RAB11FIP4: variants seen among roughly 807,000 people sequenced by gnomAD.
The protein encoded by RAB11FIP4 is RAB11 family interacting protein 4.
Under a neutral mutation model 74.3 loss-of-function variants are expected in RAB11FIP4, and 23 were observed. That is an observed-to-expected ratio of 0.31 (90% CI 0.22 to 0.44). The LOEUF is 0.44. RAB11FIP4 is among the 20% of genes least tolerant of loss of function. The probability of loss-of-function intolerance (pLI) is 1.00; values close to 1 mark genes in which losing one functional copy is unlikely to be tolerated. For synonymous variants in RAB11FIP4, 360 were observed against 359.9 expected, an observed-to-expected ratio of 1.00 and a Z score of 0.00; for missense variants, 630 against 863.9, an observed-to-expected ratio of 0.73 and a Z score of 3.39.
chr17:31,528,442 A>G lies in RAB11FIP4; in HGVS notation c.1393A>G (p.Ser465Gly). The change falls in exon 12 of 15, where the codon AGC becomes GGC. Residue 465 changes from serine (S) to glycine (G), a missense_variant. Coordinates refer to ENST00000621161, the MANE Select transcript of RAB11FIP4 (RefSeq NM_032932.6). ...QRMSDRLEDT[S>G]LRLKDEMDLY... ...CATGTCTGACCGTCTGGAGGACACCAGCCTGCGGCTCAAAGATGAGATGGA... is the reference window on the plus strand; with the variant it reads ...CATGTCTGACCGTCTGGAGGACACCGGCCTGCGGCTCAAAGATGAGATGGA... The G allele has an allele frequency of 6.2e-7, 1 of 1,613,350 alleles. No individual in the cohort carries two copies. The highest frequency in any genetic ancestry group is 8.5e-7 in the Non-Finnish European group (1 of 1,180,042).
In RAB11FIP4 at chr17:31,531,814, C is replaced by T. The variant is rs112375733; in HGVS notation, c.*82C>T. On this transcript the variant is annotated 3_prime_UTR_variant, in exon 15 of 15. Coordinates refer to ENST00000621161, the MANE Select transcript of RAB11FIP4 (RefSeq NM_032932.6). ...CCCAAGGATGCAGGCCTAAGCCGGG[C>T]CTCACACTCACACTGTAAATGTCTC... 1.3e-3 allele frequency: 1,083 copies of T among 865,250 alleles called. No individual in the cohort carries two copies. The highest frequency in any genetic ancestry group is 3.2e-3 in the Admixed American group (168 of 52,078). 53.6% of individuals were successfully genotyped at this position (865,250 alleles called of 1,614,324 possible).
intron 3 of RAB11FIP4, among the ~76,000 whole-genome samples, chr17:31,515,614 G>T (rs1401692855): frequency 1.3e-5 from 2 of 152,044 alleles, no homozygotes; most frequent in African/African-American, 2.4e-5. Flanking sequence ...ACTCCAGGAG[G>T]CTTTTCACAG....
chr17:31,405,561 C>T (rs1399544939), intron 1 of RAB11FIP4, among the ~76,000 whole-genome samples: 4 of 152,050 alleles, frequency 2.6e-5, no homozygotes, highest in South Asian at 2.1e-4. Context: ...TTAGTAGAGA[C>T]GGGGTTTCAC....
chr17:31,504,908 G>C (rs914111454), intron 3 of RAB11FIP4, among the ~76,000 whole-genome samples: 20 of 152,206 alleles, frequency 1.3e-4, no homozygotes, highest in African/African-American at 4.3e-4. Context: ...CCGAGAACTT[G>C]TTAGAAATGC....
intron 3 of RAB11FIP4, chr17:31,448,638 A>T (rs1173845706): frequency 2.6e-5 from 4 of 152,052 alleles, no homozygotes; most frequent in Non-Finnish European, 5.9e-5. Context: ...TGAGGCCTGG[A>T]ATGAGCTCCA....
chr17:31,466,316 G>T (rs1173405182), intron 3 of RAB11FIP4, among the ~76,000 whole-genome samples: 4 of 152,120 alleles, frequency 2.6e-5, no homozygotes, highest in Non-Finnish European at 5.9e-5. Context: ...TCCTGAATCC[G>T]CCACTTCTAG....
intron 3 of RAB11FIP4, among the ~76,000 whole-genome samples, chr17:31,439,522 C>T (rs575919588): frequency 5.1e-4 from 77 of 152,348 alleles, no homozygotes; most frequent in Admixed American, 1.5e-3. Context: ...TCTGCTTTTA[C>T]GAATTAGCTA....
At chr17:31,405,051 T>G (rs2071029828) in intron 1 of RAB11FIP4, among the ~76,000 whole-genome samples, 1 of 152,046 alleles carries the variant, frequency 6.6e-6, no homozygotes, top group East Asian at 1.9e-4. Context: ...TGAAGAGGTT[T>G]AAGCAGAGGG....
chr17:31,393,087 C>A, intron 1 of RAB11FIP4, among the ~76,000 whole-genome samples: 1 of 152,230 alleles, frequency 6.6e-6, no homozygotes, highest in East Asian at 1.9e-4. Flanking sequence ...GATTGAGAAT[C>A]ATCTCTCCAC....
At chr17:31,507,280 A>G (rs1023684838) in intron 3 of RAB11FIP4, among the ~76,000 whole-genome samples, 1 of 152,196 alleles carries the variant, frequency 6.6e-6, no homozygotes, top group African/African-American at 2.4e-5. Flanking sequence ...CTCCATCTCA[A>G]AAAAAGAAAA....
At chr17:31,467,692 C>T (rs1567665774) in intron 3 of RAB11FIP4, among the ~76,000 whole-genome samples, 1 of 152,156 alleles carries the variant, frequency 6.6e-6, no homozygotes, top group Non-Finnish European at 1.5e-5. Flanking sequence ...TGAGGCCATT[C>T]AAGCCTGTGG....
At chr17:31,458,950 C>G (rs1203966930) in intron 3 of RAB11FIP4, among the ~76,000 whole-genome samples, 3 of 152,200 alleles carry the variant, frequency 2.0e-5, no homozygotes, top group Admixed American at 6.5e-5. Flanking sequence ...TCTGGTCCCT[C>G]TATTAGCCAG....
rs543433257 is a variant in RAB11FIP4 at position 31,433,383 on chromosome 17, A to G, written c.248-651A>G. 3.3e-5 allele frequency among the ~76,000 whole-genome samples: 5 copies of G among 152,314 alleles called. No individual in the cohort carries two copies. The South Asian group carries it at 8.3e-4, about 25-fold the overall frequency. ...GCAGGGTGAGGGATGAAGGGAACCA[A>G]ATACACGGTGCAGGGGGCACAGAAC... On this transcript the variant is annotated intron_variant, in intron 2 of 14. Transcript: ENST00000621161.
At chr17:31,519,907 G>C (rs1206810887) in intron 4 of RAB11FIP4, among the ~76,000 whole-genome samples, 2 of 151,970 alleles carry the variant, frequency 1.3e-5, no homozygotes, top group East Asian at 3.9e-4. Context: ...GAGGCCAGGA[G>C]TTTGAGACCA....
At chr17:31,443,784 G>A (rs967408114) in intron 3 of RAB11FIP4, among the ~76,000 whole-genome samples, 2 of 152,298 alleles carry the variant, frequency 1.3e-5, no homozygotes, top group South Asian at 2.1e-4. Context: ...GCATGATGGG[G>A]CATGCCTGTA....
At chr17:31,450,492 G>T (rs113901716) in intron 3 of RAB11FIP4, among the ~76,000 whole-genome samples, 3,554 of 151,916 alleles carry the variant, frequency 0.023, 134 homozygotes, top group African/African-American at 0.08. Flanking sequence ...TTATAGGACG[G>T]CGCCATCACA....
intron 1 of RAB11FIP4, among the ~76,000 whole-genome samples, chr17:31,416,323 G>T (rs934114570): frequency 2.6e-5 from 4 of 152,218 alleles, no homozygotes; most frequent in Non-Finnish European, 5.9e-5. Flanking sequence ...CCCTTCACAT[G>T]GAGGGGAGCG....
At chr17:31,459,346 T>C (rs1473947498) in intron 3 of RAB11FIP4, among the ~76,000 whole-genome samples, 1 of 152,136 alleles carries the variant, frequency 6.6e-6, no homozygotes, top group Non-Finnish European at 1.5e-5. Flanking sequence ...TATCACTTAT[T>C]CTCATTTATA....
intron 3 of RAB11FIP4, among the ~76,000 whole-genome samples, chr17:31,487,513 G>A (rs1287214031): frequency 1.3e-5 from 2 of 151,792 alleles, no homozygotes; most frequent in Non-Finnish European, 2.9e-5. Context: ...TTGTGTTCCT[G>A]GGCTGGTTAT....
Sources: allele counts gnomAD v4.1 joint callset (sites outside exome capture counted in the v4.1 genomes callset), GRCh38; gene constraint gnomAD v4.1.1; transcripts MANE v1.5; gene names NCBI Gene and HGNC (gene_info 2026-07-23, HGNC 2026-07-21).